Variants in DDHD2 observed in about 807,000 individuals in gnomAD.
The protein encoded by DDHD2 is DDHD domain containing 2.
In DDHD2, 62 loss-of-function variants were observed where a neutral mutation model predicts 91.2. The ratio of observed to expected loss-of-function variants is 0.68; its 90% CI spans 0.55 to 0.84. The LOEUF is 0.84. Among genes scored for constraint, DDHD2 ranks in the 40% least tolerant of loss-of-function variants. The pLI, the probability that DDHD2 is intolerant of heterozygous loss-of-function variation, is 0.00. For synonymous variants in DDHD2, 271 were observed against 293.9 expected (o/e 0.92, Z 0.80); for missense variants, 740 against 846.9 (o/e 0.87, Z 1.57).
intron 16 of DDHD2, among the ~76,000 whole-genome samples, chr8:38,256,775 A>G (rs964012774): frequency 6.6e-6 from 1 of 152,206 alleles, no homozygotes; most frequent in Non-Finnish European, 1.5e-5. Flanking sequence ...TTACATGGAC[A>G]TATTCTTGGG....
At position 38,238,113 on chromosome 8, in the gene DDHD2, G is replaced by T. The variant is rs1804949079; in HGVS notation, c.526G>T (p.Ala176Ser). The T allele has an allele frequency of 6.2e-7, 1 of 1,611,302 alleles. No homozygotes were observed. The highest frequency in any genetic ancestry group is 1.3e-5 in the African/African-American group (1 of 74,762). ...GCTTATGGTGCATTACCAGCCAGTT[G>T]CAGGGTCTGATGATTGGGGTTCAAC... ...PKLMVHYQPVAGSDDWGSTPT... is the reference protein window; with the variant it reads ...PKLMVHYQPVSGSDDWGSTPT... The change falls in exon 5 of 18, where the codon GCA (alanine) becomes TCA (serine). Residue 176 changes from alanine to serine, a missense_variant. By Grantham distance (99) the Ala-to-Ser change is moderately conservative. This residue lies in a region of DDHD2 where 693 missense variants were observed against 764.2 expected (regional missense o/e 0.91). Coordinates refer to ENST00000397166, the MANE Select transcript of DDHD2 (RefSeq NM_015214.3).
At chr8:38,267,154 T>A, downstream of DDHD2, 1 of 1,584,802 alleles carries the variant, frequency 6.3e-7, no homozygotes. Flanking sequence ...AAGGGGGGAT[T>A]TTCCAAATTG....
intron 7 of DDHD2, among the ~76,000 whole-genome samples, chr8:38,244,555 T>C (rs913763977): frequency 3.4e-4 from 48 of 142,746 alleles, no homozygotes; most frequent in African/African-American, 1.3e-3. Flanking sequence ...TGCGCCGGCC[T>C]GAACAGTATT....
At chr8:38,241,623 T>A (rs1805269183) in intron 6 of DDHD2, among the ~76,000 whole-genome samples, 1 of 151,738 alleles carries the variant, frequency 6.6e-6, no homozygotes, top group African/African-American at 2.4e-5. Flanking sequence ...TTCGCCATGT[T>A]GGCCAGGCTG....
At chr8:38,264,039 G>A (rs1312796234), downstream of DDHD2, 17 of 988,318 alleles carry the variant, frequency 1.7e-5, no homozygotes, top group Non-Finnish European at 2.0e-5. Context: ...ATACAGTGTG[G>A]CTTATGTCCT....
In DDHD2 at chr8:38,255,986, C is replaced by T. The variant is rs569449634; in HGVS notation, c.2054+2268C>T. Among the ~76,000 whole-genome samples the T allele has an allele frequency of 4.5e-4, 68 of 152,268 alleles. 1 individual carries two copies. Among genetic ancestry groups the T allele is most frequent in the Admixed American group, 5.9e-4 (9 of 15,296 alleles). ...GTGTGTTTCTCCACAGCTTTTCCAA[C>T]AGTTTTAATATTTTTAAATCTTTGC... is the stretch of plus-strand genomic sequence containing the variant. On this transcript the variant is annotated intron_variant, in intron 16 of 17. Coordinates refer to ENST00000397166, the MANE Select transcript of DDHD2 (RefSeq NM_015214.3).
chr8:38,266,435 C>T (rs1247895859), downstream of DDHD2: 2 of 980,388 alleles, frequency 2.0e-6, no homozygotes, highest in East Asian at 2.7e-5. Context: ...CAGTCTTGCT[C>T]TGTCGCCCAG....
In DDHD2 at chr8:38,242,381, G is replaced by A. The variant is rs1383957547; in HGVS notation, c.844G>A (p.Asp282Asn). The A allele has an allele frequency of 6.2e-7, 1 of 1,610,454 alleles. No homozygotes were observed. The highest frequency in any genetic ancestry group is 8.5e-7 in the Non-Finnish European group (1 of 1,179,030). ...WHSPLHSTGV[D>N]VDLQRITLPS... ...CAGTCCTTTGCATTCTACTGGTGTGGATGTGTGAGTAATACTTAATACCTT... is the reference window on the plus strand; with the variant it reads ...CAGTCCTTTGCATTCTACTGGTGTGAATGTGTGAGTAATACTTAATACCTT... Residue 282 changes from aspartate to asparagine, a missense_variant, in exon 7 of 18, where the codon GAT becomes AAT. Physicochemically the swap from Asp to Asn is conservative, Grantham distance 23. Transcript: ENST00000397166.
chr8:38,235,904 T>C (rs376724670), intron 3 of DDHD2, among the ~76,000 whole-genome samples: 1 of 105,898 alleles, frequency 9.4e-6, no homozygotes, highest in Non-Finnish European at 2.1e-5. Flanking sequence ...CACACACAAA[T>C]ACAAATGCAA....
chr8:38,252,557 G>T (rs1381861192), intron 13 of DDHD2, among the ~76,000 whole-genome samples, 165 bp from the exon 14 acceptor site: 1 of 151,532 alleles, frequency 6.6e-6, no homozygotes, highest in Non-Finnish European at 1.5e-5. Context: ...CAGGAGGATT[G>T]CTTGAGCCTA....
chr8:38,237,681 AGAACTCAATT>A, intron 4 of DDHD2, 54 bp downstream of exon 4: 1 of 980,366 alleles, frequency 1.0e-6, no homozygotes. Context: ...GCTATTAGGG[AGAACTCAATT>A]GGTTTCTTTT....
intron 12 of DDHD2, 33 bp downstream of exon 12, chr8:38,252,061 G>C (rs1336669338): frequency 6.2e-7 from 1 of 1,612,358 alleles, no homozygotes; most frequent in Non-Finnish European, 8.5e-7. Context: ...TTTACAGCCT[G>C]CTATTTGTAT....
rs139357996 is a variant in DDHD2, at chr8:38,247,444, TG to T, written c.1126-268del. ...CTAGACTGTTTTATTTCTTAAGCACTGTTTTCCTAATTTCTTAAGCACTGAG... is the reference window on the plus strand; with the variant it reads ...CTAGACTGTTTTATTTCTTAAGCACTTTTTCCTAATTTCTTAAGCACTGAG... On this transcript the variant is annotated intron_variant, in intron 9 of 17. Coordinates refer to ENST00000397166, the MANE Select transcript of DDHD2 (RefSeq NM_015214.3). The T allele has an allele frequency of 4.9e-3, 1,002 of 204,086 alleles. 15 individuals are homozygous for T. The highest frequency in any genetic ancestry group is 0.022 in the African/African-American group (942 of 43,070). The allele number at this position is 204,086 out of a possible 1,614,324, so 12.6% of individuals were successfully genotyped here. A position where few individuals can be genotyped will look rare whatever the true frequency, so the allele number is the denominator to read the frequency against.
At chr8:38,244,604 TG>T (rs1292490877) in intron 7 of DDHD2, among the ~76,000 whole-genome samples, 46 of 146,826 alleles carry the variant, frequency 3.1e-4, no homozygotes, top group Non-Finnish European at 2.4e-4. Flanking sequence ...CTTGCACTGT[TG>T]CCTGGGCTGG....
chr8:38,245,750 A>G lies in DDHD2; in HGVS notation c.857A>G (p.Gln286Arg), dbSNP rs754342214. 1 of 1,614,000 alleles carries G rather than the reference A, an allele frequency of 6.2e-7. No homozygotes were observed. Among genetic ancestry groups the G allele is most frequent in the East Asian group, 2.2e-5 (1 of 44,880 alleles). The change falls in exon 8 of 18, where the codon CAG becomes CGG. Residue 286 changes from glutamine to arginine, a missense_variant. Transcript: ENST00000397166. ...LHSTGVDVDL[Q>R]RITLPSINRL... Reference sequence around the variant, plus strand: ...ATTTTTCCTTTTTTCAGAGATCTGCAGCGAATAACCCTGCCCAGCATTAAC... The same window carrying G: ...ATTTTTCCTTTTTTCAGAGATCTGCGGCGAATAACCCTGCCCAGCATTAAC...
chr8:38,245,502 G>A (rs1045470102), intron 7 of DDHD2, among the ~76,000 whole-genome samples: 1 of 151,412 alleles, frequency 6.6e-6, no homozygotes, highest in Non-Finnish European at 1.5e-5. Flanking sequence ...GTCTACATCT[G>A]TTGTTTTCTT....
intron 6 of DDHD2, among the ~76,000 whole-genome samples, chr8:38,240,733 TA>T (rs1805188715): frequency 6.6e-6 from 1 of 152,220 alleles, no homozygotes. Context: ...AAACCTTTGA[TA>T]TTGTAATTGG....
At chr8:38,246,192 C>T in intron 8 of DDHD2, 41 bp from the exon 9 acceptor site, 1 of 1,436,214 alleles carries the variant, frequency 7.0e-7, no homozygotes, top group Non-Finnish European at 9.8e-7. Flanking sequence ...CCATTTAGTG[C>T]TAATGCTTAG....
chr8:38,239,724 AAG>A (rs1805096235), intron 5 of DDHD2, among the ~76,000 whole-genome samples: 5 of 146,952 alleles, frequency 3.4e-5, no homozygotes, highest in South Asian at 2.2e-4. Flanking sequence ...AAAAAAAAAA[AAG>A]AGTTTTTTTT....
Sources: gnomAD v4.1 joint callset for allele counts (sites outside exome capture counted in the v4.1 genomes callset) on GRCh38, gnomAD v4.1.1 for gene constraint, gnomAD v4.1.1 regional missense constraint, MANE v1.5 for transcripts, NCBI Gene and HGNC (gene_info 2026-07-23, HGNC 2026-07-21) for gene names.